PCDH15: variants seen among roughly 807,000 people sequenced by gnomAD.
PCDH15 encodes protocadherin-15.
Under a neutral mutation model 178.5 loss-of-function variants are expected in PCDH15, and 129 were observed. The observed-to-expected ratio is 0.72, with a 90% CI of 0.63 to 0.84. The LOEUF (loss-of-function observed/expected upper bound fraction) is 0.84, where lower values mean the gene tolerates loss of function less well. Among genes scored for constraint, PCDH15 ranks in the 40% least tolerant of loss-of-function variants. The pLI, the probability that PCDH15 is intolerant of heterozygous loss-of-function variation, is 0.00. For missense variants in PCDH15, 2,230 were observed against 2,099.9 expected (o/e 1.06, Z -1.21); for synonymous variants, 800 against 732.0 (o/e 1.09, Z -1.50).
intron 13 of PCDH15, among the ~76,000 whole-genome samples, chr10:54,158,095 A>G (rs988370624): frequency 6.6e-6 from 1 of 152,128 alleles, no homozygotes; most frequent in African/African-American, 2.4e-5. Context: ...AGACTGCTCC[A>G]ACCTCTGCCT....
At chr10:55,267,581 AG>A (rs1247203107) in intron 1 of PCDH15, among the ~76,000 whole-genome samples, 2 of 152,174 alleles carry the variant, frequency 1.3e-5, no homozygotes, top group Non-Finnish European at 2.9e-5. Context: ...GTGGTGGGAG[AG>A]GAAAAGTTGT....
At chr10:53,839,674 ATTTTT>A (rs11297132) in intron 29 of PCDH15, among the ~76,000 whole-genome samples, 11 of 149,812 alleles carry the variant, frequency 7.3e-5, no homozygotes, top group Admixed American at 6.0e-4. Context: ...TCTGTTAACA[ATTTTT>A]TTTTTTTTAA....
In PCDH15 at chr10:53,827,274, A is replaced by ATG; in HGVS notation, c.4367+118_4367+119insCA. The ATG allele has an allele frequency of 5.4e-6, 7 of 1,296,376 alleles. No individual in the cohort carries two copies. The African/African-American group carries it at 9.1e-5, about 17-fold the overall frequency. 80.3% of individuals were successfully genotyped at this position (1,296,376 alleles called of 1,614,324 possible). ...TCTTAACAAATTTTCTCTTGAAAATAATAGAATAAAATAAATAGTCCATGT... is the reference window on the plus strand; with the variant it reads ...TCTTAACAAATTTTCTCTTGAAAATATGATAGAATAAAATAAATAGTCCATGT... On this transcript the variant is annotated intron_variant, in intron 32 of 37. Transcript: ENST00000644397.
chr10:53,831,289 C>T (rs772379160), intron 30 of PCDH15, 26 bp downstream of exon 30: 3 of 1,605,536 alleles, frequency 1.9e-6, no homozygotes, highest in South Asian at 1.1e-5. Context: ...AGGAACTATC[C>T]AGGTTTACCA....
At chr10:55,003,415 G>C (rs1839841490) in intron 2 of PCDH15, among the ~76,000 whole-genome samples, 1 of 151,170 alleles carries the variant, frequency 6.6e-6, no homozygotes, top group Non-Finnish European at 1.5e-5. Context: ...TGAACTAATG[G>C]AGGACAGAAA....
intron 1 of PCDH15, among the ~76,000 whole-genome samples, chr10:55,316,445 T>G (rs1266861816): frequency 6.6e-6 from 1 of 152,174 alleles, no homozygotes; most frequent in Non-Finnish European, 1.5e-5. Flanking sequence ...GTTCTTAATA[T>G]TTTGTGAAAA....
intron 3 of PCDH15, among the ~76,000 whole-genome samples, chr10:54,383,667 C>A: frequency 3.7e-5 from 4 of 108,034 alleles, no homozygotes; most frequent in Admixed American, 1.0e-4. Context: ...GTGTGTGTTT[C>A]AACATAATGA....
chr10:54,459,392 A>G (rs554360325), intron 3 of PCDH15, among the ~76,000 whole-genome samples: 56 of 152,084 alleles, frequency 3.7e-4, no homozygotes, highest in Admixed American at 7.9e-4. Context: ...ATTATGTCAT[A>G]GGAACTTGAC....
At chr10:54,646,039 T>C (rs886940573) in intron 2 of PCDH15, among the ~76,000 whole-genome samples, 1 of 152,188 alleles carries the variant, frequency 6.6e-6, no homozygotes, top group Non-Finnish European at 1.5e-5. Context: ...TACTATGCCT[T>C]AAATATTTAT....
At chr10:54,863,343 C>T (rs745442153) in intron 3 of PCDH15, among the ~76,000 whole-genome samples, 6 of 152,082 alleles carry the variant, frequency 3.9e-5, no homozygotes, top group South Asian at 2.1e-4. Context: ...GAGATCGAGA[C>T]CATCCTGGCT....
At chr10:55,623,790 A>G (rs1201813534) in intron 2 of PCDH15, among the ~76,000 whole-genome samples, 2 of 151,528 alleles carry the variant, frequency 1.3e-5, no homozygotes, top group Non-Finnish European at 2.9e-5. Context: ...ACACCTTCTA[A>G]TAGATATCCA....
chr10:54,691,915 C>T (rs1276818491), intron 1 of PCDH15, among the ~76,000 whole-genome samples: 4 of 151,984 alleles, frequency 2.6e-5, no homozygotes, highest in Admixed American at 6.6e-5. Flanking sequence ...GTTTATGTTC[C>T]GCCACATATA....
chr10:54,726,412 C>T (rs74136253), intron 1 of PCDH15, among the ~76,000 whole-genome samples: 1,521 of 141,464 alleles, frequency 0.011, 29 homozygotes, highest in African/African-American at 0.038. Flanking sequence ...CATTTCTACC[C>T]ATCAGGGGTG....
chr10:54,129,757 T>C (rs2042273505), intron 15 of PCDH15, among the ~76,000 whole-genome samples: 1 of 152,166 alleles, frequency 6.6e-6, no homozygotes, highest in South Asian at 2.1e-4. Flanking sequence ...CAGTGGGTCT[T>C]ATGGAACCCT....
intron 2 of PCDH15, among the ~76,000 whole-genome samples, chr10:55,057,308 GAACAA>G (rs1221147783): frequency 1.3e-5 from 2 of 151,700 alleles, no homozygotes; most frequent in African/African-American, 4.8e-5. Context: ...CAATTGTTAA[GAACAA>G]AACAAAATAA....
chr10:54,665,466 G>A (rs746879283), intron 1 of PCDH15, among the ~76,000 whole-genome samples: 37 of 151,962 alleles, frequency 2.4e-4, no homozygotes, highest in Non-Finnish European at 4.7e-4. Flanking sequence ...ACTAGCTGAG[G>A]ATAAGGTTTA....
intron 8 of PCDH15, among the ~76,000 whole-genome samples, chr10:54,293,027 G>A (rs1335290081): frequency 3.3e-5 from 5 of 152,090 alleles, no homozygotes; most frequent in African/African-American, 1.2e-4. Context: ...AAGCAAAAAA[G>A]AACAAAGCTG....
intron 2 of PCDH15, among the ~76,000 whole-genome samples, chr10:55,032,291 G>C (rs1020977978): frequency 6.6e-6 from 1 of 152,180 alleles, no homozygotes; most frequent in African/African-American, 2.4e-5. Flanking sequence ...CTAGGACTTT[G>C]TGAAAGGCAG....
rs67020951 is a variant in PCDH15 at position 55,378,877 on chromosome 10, A to ATCTCTCTCTCTCTCTC, written c.-155-212242_-155-212227dup. 6.2e-4 allele frequency among the ~76,000 whole-genome samples: 77 copies of ATCTCTCTCTCTCTCTC among 124,182 alleles called. 2 individuals are homozygous for ATCTCTCTCTCTCTCTC. The highest frequency in any genetic ancestry group is 2.1e-3 in the African/African-American group (73 of 34,504). The allele number at this position is 124,182 out of a possible 152,430, so 81.5% of individuals were successfully genotyped here. A position where few individuals can be genotyped will look rare whatever the true frequency, so the allele number is the denominator to read the frequency against. On this transcript the variant is annotated intron_variant, in intron 2 of 5. Coordinates refer to the PCDH15 transcript ENST00000613346. ...TTCCTTTCTTTGTGTAACTCTCCCC[A>ATCTCTCTCTCTCTCTC]TCTCTCTCTCTCTCTCTCTCTCTCT...
Sources: allele counts gnomAD v4.1 joint callset (sites outside exome capture counted in the v4.1 genomes callset), GRCh38; gene constraint gnomAD v4.1.1; transcripts MANE v1.5; gene names NCBI Gene and HGNC (gene_info 2026-07-23, HGNC 2026-07-21).